CDS1: variants seen among roughly 807,000 people sequenced by gnomAD.
CDS1 encodes the protein CDP-diacylglycerol synthase 1, also known as phosphatidate cytidylyltransferase 1.
A neutral mutation model predicts 62.1 loss-of-function variants in CDS1; 41 were observed. The observed-to-expected ratio is 0.66, with a 90% confidence interval of 0.51 to 0.86. CDS1 has a LOEUF of 0.86. Among genes scored for constraint, CDS1 ranks in the 40% least tolerant of loss-of-function variants. CDS1 has a pLI of 0.00. For synonymous variants in CDS1, 185 were observed against 192.6 expected, an observed-to-expected ratio of 0.96 and a Z score of 0.32; for missense variants, 470 against 550.1, an observed-to-expected ratio of 0.85 and a Z score of 1.46.
chr4:84,638,148 A>G (rs1409285876), intron 8 of CDS1, among the ~76,000 whole-genome samples: 3 of 152,264 alleles, frequency 2.0e-5, no homozygotes, highest in East Asian at 1.9e-4. Context: ...CTGAGCAACA[A>G]CTTTCACTTT....
At position 84,583,518 on chromosome 4, in the gene CDS1, A is replaced by T. The variant is rs1034844978; in HGVS notation, c.117A>T (p.Lys39Asn). The T allele has an allele frequency of 4.6e-6, 7 of 1,510,034 alleles. No homozygotes were observed. Among genetic ancestry groups the T allele is most frequent in the Non-Finnish European group, 6.2e-6 (7 of 1,126,224 alleles). 93.5% of individuals were successfully genotyped at this position (1,510,034 alleles called of 1,614,324 possible). Residue 39 changes from lysine (K) to asparagine (N), a missense_variant and splice_region_variant, in exon 1 of 13, where the codon AAA becomes AAT. By Grantham distance (94) the Lys-to-Asn change is moderately conservative (BLOSUM62 0). This residue lies in a region of CDS1 where 150 missense variants were observed against 142.0 expected (regional missense o/e 1.06). Coordinates refer to ENST00000295887, the MANE Select transcript of CDS1 (RefSeq NM_001263.4). ...GDHETESTSD[K>N]ETDIDDRYGD... is the part of the protein sequence containing the mutation. ...ACGAAACCGAGAGCACCAGCGACAA[A>T]GTAAGTGGAGCCGAGAGAGGCGGAC...
chr4:84,628,361 C>G lies in CDS1; in HGVS notation c.581-3458C>G, dbSNP rs1219268710. On this transcript the variant is annotated intron_variant, in intron 5 of 12. Coordinates refer to ENST00000295887, the MANE Select transcript of CDS1 (RefSeq NM_001263.4). Reference sequence around the variant, plus strand: ...AGAGCTCCTGAATGGCAGTGCCTATCTTATTCATTTTTGCATCTTGTTTCT... The same window carrying G: ...AGAGCTCCTGAATGGCAGTGCCTATGTTATTCATTTTTGCATCTTGTTTCT... Among the ~76,000 whole-genome samples, 3 of 152,148 alleles carry G rather than the reference C, an allele frequency of 2.0e-5. No homozygotes were observed. In the South Asian group the frequency reaches 6.2e-4, roughly 32 times the overall value.
At chr4:84,599,876 C>T (rs912341059) in intron 1 of CDS1, among the ~76,000 whole-genome samples, 1 of 152,126 alleles carries the variant, frequency 6.6e-6, no homozygotes, top group Admixed American at 6.5e-5. Context: ...ATCTACACTT[C>T]AGTTTATCTT....
intron 10 of CDS1, among the ~76,000 whole-genome samples, chr4:84,642,771 G>C (rs975279985): frequency 1.3e-5 from 2 of 152,148 alleles, no homozygotes; most frequent in Non-Finnish European, 2.9e-5. Flanking sequence ...AGACTACCAC[G>C]CTGCAAGATT....
intron 5 of CDS1, among the ~76,000 whole-genome samples, chr4:84,621,909 T>G (rs961712014): frequency 6.6e-6 from 1 of 152,230 alleles, no homozygotes; most frequent in Non-Finnish European, 1.5e-5. Context: ...GTTGGAAGGA[T>G]TATGATCATG....
intron 1 of CDS1, among the ~76,000 whole-genome samples, chr4:84,597,474 C>CA (rs1226798800): frequency 1.3e-5 from 2 of 151,796 alleles, no homozygotes; most frequent in Non-Finnish European, 2.9e-5. Context: ...CCTGTCCCTA[C>CA]AAAAAATAAC....
intron 3 of CDS1, among the ~76,000 whole-genome samples, 195 bp from the exon 4 acceptor site, chr4:84,617,369 A>G (rs1723529545): frequency 6.6e-6 from 1 of 152,136 alleles, no homozygotes; most frequent in Non-Finnish European, 1.5e-5. Context: ...TGAGTAAAAC[A>G]TTATTTTGCC....
At chr4:84,645,075 G>A (rs1216316947) in intron 11 of CDS1, 147 bp from the exon 12 acceptor site, 2 of 630,804 alleles carry the variant, frequency 3.2e-6, no homozygotes, top group Non-Finnish European at 5.6e-6. Context: ...TGCTGGATGT[G>A]TTCTAATAAG....
chr4:84,647,105 ATTTC>A (rs947570257), intron 12 of CDS1, among the ~76,000 whole-genome samples: 9 of 151,994 alleles, frequency 5.9e-5, no homozygotes, highest in South Asian at 2.1e-4. Context: ...TTTGCATGTT[ATTTC>A]TTTGTCTCTC....
At chr4:84,607,425 C>T (rs1369517902) in intron 2 of CDS1, among the ~76,000 whole-genome samples, 6 of 149,752 alleles carry the variant, frequency 4.0e-5, no homozygotes, top group African/African-American at 1.5e-4. Flanking sequence ...CCCGCCTCCT[C>T]TCCCCCCACT....
chr4:84,617,724 G>A (rs994418049), intron 4 of CDS1, 63 bp downstream of exon 4: 13 of 748,720 alleles, frequency 1.7e-5, no homozygotes, highest in South Asian at 3.5e-5. Context: ...TAAAGGAAGC[G>A]TCTTGATCAG....
intron 5 of CDS1, among the ~76,000 whole-genome samples, chr4:84,625,283 C>T (rs1010627564): frequency 6.6e-6 from 1 of 152,148 alleles, no homozygotes; most frequent in African/African-American, 2.4e-5. Flanking sequence ...ATTCTTAGAG[C>T]AAACATTTCA....
intron 1 of CDS1, among the ~76,000 whole-genome samples, chr4:84,598,897 G>A (rs1418058944): frequency 6.6e-6 from 1 of 152,136 alleles, no homozygotes; most frequent in East Asian, 1.9e-4. Flanking sequence ...TGTTCCCTGA[G>A]CCCCTTGTCC....
intron 1 of CDS1, among the ~76,000 whole-genome samples, chr4:84,596,590 A>C (rs943086922): frequency 2.0e-5 from 3 of 152,222 alleles, no homozygotes; most frequent in African/African-American, 7.2e-5. Context: ...ATAATCCAGG[A>C]TAAGCTCACC....
chr4:84,617,590 C>A lies in CDS1; in HGVS notation c.369C>A (p.Phe123Leu). Reference protein sequence around the residue: ...LLVLGIQVKCFHEIITIGYRV... With the variant: ...LLVLGIQVKCLHEIITIGYRV... Reference sequence around the variant, plus strand: ...TTCTGGGCATCCAAGTGAAATGCTTCCATGAAATTATCACTATAGGTTATA... The same window carrying A: ...TTCTGGGCATCCAAGTGAAATGCTTACATGAAATTATCACTATAGGTTATA... Residue 123 changes from phenylalanine to leucine, a missense_variant, in exon 4 of 13, where the codon TTC becomes TTA. Physicochemically the swap from Phe to Leu is conservative, Grantham distance 22. Transcript: ENST00000295887. The A allele has an allele frequency of 6.3e-7, 1 of 1,588,864 alleles. No homozygotes were observed. Among genetic ancestry groups the A allele is most frequent in the Non-Finnish European group, 8.6e-7 (1 of 1,160,608 alleles).
chr4:84,601,958 C>T (rs527591044), intron 1 of CDS1, among the ~76,000 whole-genome samples: 167 of 152,172 alleles, frequency 1.1e-3, no homozygotes, highest in African/African-American at 3.8e-3. Context: ...TACATACATA[C>T]GTACGTACAT....
At chr4:84,618,913 G>A (rs144284788) in intron 4 of CDS1, among the ~76,000 whole-genome samples, 4 of 152,174 alleles carry the variant, frequency 2.6e-5, no homozygotes, top group African/African-American at 7.2e-5. Flanking sequence ...GAGTAGTTAC[G>A]AGTTAATTTT....
rs148953383 is a variant in CDS1, at chr4:84,646,847, A to G, written c.1256+1522A>G. The stretch of plus-strand genomic sequence containing the variant: ...TGTGTTTGTTTGGTCCGCTTGTTCT[A>G]TCAGTTACTAAGAGAGCTTTGTTAA... On this transcript the variant is annotated intron_variant, in intron 12 of 12. Transcript: ENST00000295887. Among the ~76,000 whole-genome samples, 798 of 152,282 alleles carry G rather than the reference A, an allele frequency of 5.2e-3. 9 individuals are homozygous for G. The highest frequency in any genetic ancestry group is 0.018 in the African/African-American group (746 of 41,566).
intron 10 of CDS1, among the ~76,000 whole-genome samples, chr4:84,642,770 C>T (rs1382566895): frequency 1.3e-5 from 2 of 152,170 alleles, no homozygotes; most frequent in Non-Finnish European, 1.5e-5. Context: ...TAGACTACCA[C>T]GCTGCAAGAT....
Sources: allele counts gnomAD v4.1 joint callset (sites outside exome capture counted in the v4.1 genomes callset), GRCh38; gene constraint gnomAD v4.1.1; regional missense constraint gnomAD v4.1.1; transcripts MANE v1.5; gene names NCBI Gene and HGNC (gene_info 2026-07-23, HGNC 2026-07-21).